The following TRPV1 variants were observed in gnomAD, a reference collection of about 807,000 sequenced individuals.
TRPV1 encodes the protein OTRPC1.
Under a neutral mutation model 82.3 loss-of-function variants are expected in TRPV1, and 82 were observed. The observed-to-expected ratio is 1.00, with a 90% CI of 0.83 to 1.20. The LOEUF is 1.20. TRPV1 is among the 50% of genes most tolerant of loss of function. TRPV1 has a pLI of 0.00. For missense variants in TRPV1, 1,067 were observed against 1,096.8 expected (o/e 0.97, Z 0.38); for synonymous variants, 515 against 467.7 (o/e 1.10, Z -1.30).
At chr17:3,567,585 C>A (rs1230407407) in intron 16 of TRPV1, among the ~76,000 whole-genome samples, 1 of 151,866 alleles carries the variant, frequency 6.6e-6, no homozygotes, top group Non-Finnish European at 1.5e-5. Flanking sequence ...ATCGCCTGCC[C>A]CTCTCGGCCT....
chr17:3,595,851 A>C (rs1345051485), intron 2 of TRPV1: 1 of 152,254 alleles, frequency 6.6e-6, no homozygotes, highest in East Asian at 1.9e-4. Context: ...CCTACTGGAA[A>C]CCAAGCTTCT....
intron 3 of TRPV1, 35 bp from the exon 4 acceptor site, chr17:3,591,388 G>C (rs781545610): frequency 6.5e-7 from 1 of 1,535,538 alleles, no homozygotes; most frequent in Non-Finnish European, 8.7e-7. Flanking sequence ...CTCATACCCT[G>C]GCCTCCCCTC....
At chr17:3,580,738 C>T (rs1325997732) in intron 10 of TRPV1, among the ~76,000 whole-genome samples, 6 of 152,176 alleles carry the variant, frequency 3.9e-5, no homozygotes, top group Admixed American at 2.0e-4. Context: ...CAGTGGAAGC[C>T]GGGCATGGTG....
In TRPV1 at chr17:3,580,530, G is replaced by A. The variant is rs2074993827; in HGVS notation, c.1477-3C>T. ...CGCCTCTGCAGGAAATACTGAATCT[G>A]CAGGTAAACAGAGAGAGTAAGATCC... On this transcript the variant is annotated splice_region_variant and splice_polypyrimidine_tract_variant and intron_variant, in intron 10 of 16. Coordinates refer to ENST00000572705, the MANE Select transcript of TRPV1 (RefSeq NM_080704.4). 1 of 1,614,034 alleles carries A rather than the reference G, an allele frequency of 6.2e-7. No homozygotes were observed. Among genetic ancestry groups the A allele is most frequent in the Non-Finnish European group, 8.5e-7 (1 of 1,179,896 alleles).
In TRPV1 at chr17:3,594,649, G is replaced by A. The variant is rs560421410; in HGVS notation, c.-33-2266C>T. Among the ~76,000 whole-genome samples, 24 of 152,286 alleles carry A rather than the reference G, an allele frequency of 1.6e-4. No individual in the cohort carries two copies. The East Asian group carries it at 2.9e-3, about 18-fold the overall frequency. ...GACCCCCTGCAGCAGGAGTGTTCCCGGCCACAGAAAGCCGATTCCCTCATC... is the reference window on the plus strand; with the variant it reads ...GACCCCCTGCAGCAGGAGTGTTCCCAGCCACAGAAAGCCGATTCCCTCATC... On this transcript the variant is annotated intron_variant, in intron 2 of 16. Coordinates refer to ENST00000572705, the MANE Select transcript of TRPV1 (RefSeq NM_080704.4).
intron 13 of TRPV1, 43 bp downstream of exon 13, chr17:3,577,083 A>T (rs202223994): frequency 1.3e-6 from 2 of 1,554,452 alleles, no homozygotes; most frequent in African/African-American, 2.7e-5. Context: ...GGCTCAGCCA[A>T]GCAGGACCCC....
rs541072002 is a variant in TRPV1, at chr17:3,590,982, T to A, written c.586A>T (p.Thr196Ser). The change falls in exon 5 of 17, where the codon ACG becomes TCG. Residue 196 changes from threonine to serine, a missense_variant. Transcript: ENST00000572705. ...SLKELVNASY[T>S]DSYYKGQTAL... ...TCCTCACCCTTGTAGTAGCTGTCCG[T>A]GTAGCTGGCGTTGACAAGCTCCTTC... The A allele has an allele frequency of 4.4e-6, 7 of 1,608,084 alleles. No individual in the cohort carries two copies. Among genetic ancestry groups the A allele is most frequent in the African/African-American group, 1.3e-5 (1 of 74,960 alleles).
chr17:3,568,118 C>G (rs994486100), intron 16 of TRPV1, among the ~76,000 whole-genome samples: 2 of 152,026 alleles, frequency 1.3e-5, no homozygotes, highest in East Asian at 1.9e-4. Flanking sequence ...GTCAGGAGAT[C>G]GAGACCATCC....
chr17:3,591,057 T>C lies in TRPV1; in HGVS notation c.511A>G (p.Asn171Asp), dbSNP rs2150848646. The change falls in exon 5 of 17, where the codon AAC (asparagine) becomes GAC (aspartate). Residue 171 changes from asparagine (N) to aspartate (D), a missense_variant. Transcript: ENST00000572705. ...KAMLNLHDGQ[N>D]TTIPLLLEIA... is the part of the protein sequence containing the mutation. ...TCCAGGAGCAGGGGGATGGTGGTGTTCTGTCCGTCGTGCAGGTTGAGCATG... is the reference window on the plus strand; with the variant it reads ...TCCAGGAGCAGGGGGATGGTGGTGTCCTGTCCGTCGTGCAGGTTGAGCATG... The C allele has an allele frequency of 6.2e-7, 1 of 1,613,184 alleles. No individual in the cohort carries two copies. The highest frequency in any genetic ancestry group is 1.1e-5 in the South Asian group (1 of 90,818).
intron 8 of TRPV1, among the ~76,000 whole-genome samples, chr17:3,587,294 G>A (rs968662318): frequency 1.3e-5 from 2 of 152,166 alleles, no homozygotes; most frequent in African/African-American, 4.8e-5. Flanking sequence ...CTCTGCTCCT[G>A]TAAACGCAAC....
At chr17:3,586,844 C>T (rs1438080726) in intron 8 of TRPV1, among the ~76,000 whole-genome samples, 2 of 152,002 alleles carry the variant, frequency 1.3e-5, no homozygotes, top group East Asian at 1.9e-4. Context: ...TCAGATCATC[C>T]CAGCCTCCCT....
intron 16 of TRPV1, among the ~76,000 whole-genome samples, chr17:3,569,656 G>C (rs1413543415): frequency 6.6e-6 from 1 of 152,166 alleles, no homozygotes; most frequent in East Asian, 1.9e-4. Context: ...GGGAAGAGGA[G>C]GAAGGATTCA....
chr17:3,577,320 G>T, intron 12 of TRPV1, 128 bp from the exon 13 acceptor site: 1 of 1,055,340 alleles, frequency 9.5e-7, no homozygotes, highest in Non-Finnish European at 1.4e-6. Context: ...CTGGTTCTCA[G>T]CTCAGGGGTC....
chr17:3,606,411 G>A (rs2075296438), intron 2 of TRPV1, among the ~76,000 whole-genome samples: 1 of 152,222 alleles, frequency 6.6e-6, no homozygotes, highest in African/African-American at 2.4e-5. Context: ...TGTGTGGCAA[G>A]TAGCTCACTG....
intron 11 of TRPV1, chr17:3,578,818 G>A (rs1449372955): frequency 2.0e-5 from 3 of 152,120 alleles, no homozygotes; most frequent in African/African-American, 7.2e-5. Context: ...AAAGTGGTAC[G>A]TATATACCAT....
At chr17:3,596,221 G>A (rs767540962) in intron 2 of TRPV1, among the ~76,000 whole-genome samples, 34 of 152,162 alleles carry the variant, frequency 2.2e-4, no homozygotes, top group Non-Finnish European at 4.0e-4. Flanking sequence ...CCCTCTGGGG[G>A]AAGGATCCCT....
At position 3,588,219 on chromosome 17, in the gene TRPV1, T is replaced by A; in HGVS notation, c.1193A>T (p.Glu398Val). 6.4e-7 allele frequency: 1 copy of A among 1,574,276 alleles called. No homozygotes were observed. Among genetic ancestry groups the A allele is most frequent in the Non-Finnish European group, 8.6e-7 (1 of 1,160,470 alleles). ...IDTCEKNSVL[E>V]VIAYSSSETP... Reference sequence around the variant, plus strand: ...CTCGCTGCTGCTGTAGGCGATCACCTCCAGCACCGAGTTCTTCTCGCAGGT... The same window carrying A: ...CTCGCTGCTGCTGTAGGCGATCACCACCAGCACCGAGTTCTTCTCGCAGGT... The change falls in exon 8 of 17, where the codon GAG becomes GTG. Residue 398 changes from glutamate (E) to valine (V), a missense_variant. Physicochemically the swap from Glu to Val is moderately radical, Grantham distance 121. Transcript: ENST00000572705.
intron 2 of TRPV1, among the ~76,000 whole-genome samples, chr17:3,594,154 AAGC>A (rs773915600): frequency 3.9e-4 from 37 of 95,434 alleles, no homozygotes; most frequent in African/African-American, 7.4e-4. Flanking sequence ...AAAAAAAAAG[AAGC>A]AGCAGCAGCA....
chr17:3,575,738 A>G (rs2074920737), intron 13 of TRPV1, among the ~76,000 whole-genome samples: 1 of 151,942 alleles, frequency 6.6e-6, no homozygotes, highest in Admixed American at 6.6e-5. Flanking sequence ...ACATCATGTG[A>G]CTCCCAATAA....
Sources: allele counts gnomAD v4.1 joint callset (sites outside exome capture counted in the v4.1 genomes callset), GRCh38; gene constraint gnomAD v4.1.1; transcripts MANE v1.5; gene names NCBI Gene and HGNC (gene_info 2026-07-23, HGNC 2026-07-21).